Variants in CYP39A1 observed in about 807,000 individuals in gnomAD.
CYP39A1 encodes 24-hydroxycholesterol 7-alpha-hydroxylase.
Under a neutral mutation model 58.1 loss-of-function variants are expected in CYP39A1, and 49 were observed. That is an observed-to-expected ratio of 0.84 (90% CI 0.67 to 1.07). The LOEUF (loss-of-function observed/expected upper bound fraction) is 1.07. Ranked by LOEUF, CYP39A1 falls within the 50% of genes least tolerant of loss-of-function variation. CYP39A1 has a pLI of 0.00. For synonymous variants in CYP39A1, 209 were observed against 187.6 expected (o/e 1.11, Z -0.93); for missense variants, 531 against 539.4 (o/e 0.98, Z 0.16).
At position 46,615,734 on chromosome 6, in the gene CYP39A1, T is replaced by TA. The variant is rs201723641; in HGVS notation, c.931+9683dup. 2.4e-3 allele frequency among the ~76,000 whole-genome samples: 331 copies of TA among 139,502 alleles called. 2 individuals carry two copies. Among genetic ancestry groups the TA allele is most frequent in the African/African-American group, 7.1e-3 (273 of 38,522 alleles). 91.5% of individuals were successfully genotyped at this position (139,502 alleles called of 152,430 possible). On this transcript the variant is annotated intron_variant, in intron 7 of 11. Coordinates refer to ENST00000275016, the MANE Select transcript of CYP39A1 (RefSeq NM_016593.5). ...AATGTGCTCACATTCTCCTCTGGAATAAAAAAAAAAAAGGACAAACATCTT... is the reference window on the plus strand; with the variant it reads ...AATGTGCTCACATTCTCCTCTGGAATAAAAAAAAAAAAAGGACAAACATCTT...
intron 7 of CYP39A1, among the ~76,000 whole-genome samples, chr6:46,614,011 TAGAA>T (rs1774381626): frequency 6.7e-6 from 1 of 149,726 alleles, no homozygotes; most frequent in Non-Finnish European, 1.5e-5. Context: ...TTAATTAAAA[TAGAA>T]AGGTAAACCA....
intron 7 of CYP39A1, among the ~76,000 whole-genome samples, chr6:46,613,860 G>A (rs955027274): frequency 2.7e-5 from 4 of 149,114 alleles, no homozygotes; most frequent in Non-Finnish European, 4.4e-5. Flanking sequence ...ATAAGTGTGA[G>A]TACTTACGCT....
At chr6:46,630,474 G>A (rs1775590797) in intron 6 of CYP39A1, among the ~76,000 whole-genome samples, 1 of 151,968 alleles carries the variant, frequency 6.6e-6, no homozygotes, top group African/African-American at 2.4e-5. Context: ...TCTCTTATTA[G>A]GAAATGGAGG....
At chr6:46,625,564 C>A in intron 6 of CYP39A1, 56 bp from the exon 7 acceptor site, 2 of 1,321,252 alleles carry the variant, frequency 1.5e-6, no homozygotes, top group Non-Finnish European at 2.2e-6. Context: ...TGAACAAAAG[C>A]ATATTTAGTA....
At chr6:46,590,582 A>G (rs1226685849) in intron 8 of CYP39A1, among the ~76,000 whole-genome samples, 1 of 152,178 alleles carries the variant, frequency 6.6e-6, no homozygotes, top group Non-Finnish European at 1.5e-5. Context: ...TAAATTAAAG[A>G]GTATATTCTT....
intron 7 of CYP39A1, among the ~76,000 whole-genome samples, chr6:46,612,085 C>T (rs947058212): frequency 6.6e-6 from 1 of 152,132 alleles, no homozygotes; most frequent in Non-Finnish European, 1.5e-5. Context: ...TATCTCCAAG[C>T]TTATAAATAT....
At chr6:46,638,885 T>C (rs899950947) in intron 3 of CYP39A1, among the ~76,000 whole-genome samples, 2 of 152,216 alleles carry the variant, frequency 1.3e-5, no homozygotes, top group East Asian at 1.9e-4. Flanking sequence ...ATGTCTCCCA[T>C]GCCCAGACTT....
At chr6:46,644,352 G>A (rs1037607198) in intron 1 of CYP39A1, among the ~76,000 whole-genome samples, 1 of 151,982 alleles carries the variant, frequency 6.6e-6, no homozygotes, top group Admixed American at 6.6e-5. Context: ...ATGAATGTAC[G>A]ACAGTTTATT....
intron 7 of CYP39A1, among the ~76,000 whole-genome samples, chr6:46,603,687 CTTT>C (rs1173799496): frequency 6.6e-6 from 1 of 152,210 alleles, no homozygotes; most frequent in Non-Finnish European, 1.5e-5. Context: ...GTCTCAGACA[CTTT>C]TTGGTTTACT....
At chr6:46,623,066 T>C (rs897312060) in intron 7 of CYP39A1, among the ~76,000 whole-genome samples, 3 of 152,120 alleles carry the variant, frequency 2.0e-5, no homozygotes, top group African/African-American at 7.2e-5. Context: ...TAAAAGACTT[T>C]CCCAAGAAGG....
intron 7 of CYP39A1, among the ~76,000 whole-genome samples, chr6:46,601,437 C>T (rs2150532305): frequency 6.6e-6 from 1 of 152,232 alleles, no homozygotes; most frequent in South Asian, 2.1e-4. Flanking sequence ...CCAACATTCT[C>T]ACTTTGGCAA....
chr6:46,617,595 T>C (rs1237536019), intron 7 of CYP39A1, among the ~76,000 whole-genome samples: 1 of 152,154 alleles, frequency 6.6e-6, no homozygotes, highest in Non-Finnish European at 1.5e-5. Flanking sequence ...TCAGGGATTC[T>C]AAGTACAATT....
chr6:46,630,851 C>A, intron 6 of CYP39A1, 112 bp downstream of exon 6: 104 of 843,086 alleles, frequency 1.2e-4, no homozygotes, highest in Middle Eastern at 2.4e-4. Flanking sequence ...TAGTTTTTTT[C>A]TTTTCCATAA....
intron 5 of CYP39A1, among the ~76,000 whole-genome samples, 176 bp from the exon 6 acceptor site, chr6:46,631,246 G>C (rs1373547489): frequency 1.3e-5 from 2 of 151,622 alleles, no homozygotes; most frequent in Non-Finnish European, 2.9e-5. Flanking sequence ...TAGTAATTAG[G>C]AGTAGGGATT....
At chr6:46,640,584 T>C (rs1776269182) in intron 2 of CYP39A1, among the ~76,000 whole-genome samples, 1 of 152,238 alleles carries the variant, frequency 6.6e-6, no homozygotes, top group South Asian at 2.1e-4. Flanking sequence ...CTTGTTTTAT[T>C]GACCTTGAAG....
intron 7 of CYP39A1, among the ~76,000 whole-genome samples, chr6:46,623,869 TA>T (rs1170974637): frequency 4.0e-5 from 6 of 151,308 alleles, no homozygotes; most frequent in Non-Finnish European, 5.9e-5. Flanking sequence ...TAAGTATGGT[TA>T]AAAAAAAAGT....
chr6:46,628,461 A>T (rs1187298429), intron 6 of CYP39A1, among the ~76,000 whole-genome samples: 2 of 152,204 alleles, frequency 1.3e-5, no homozygotes, highest in Non-Finnish European at 2.9e-5. Context: ...GTTTGGAGAA[A>T]TCTTCTAAAA....
In CYP39A1 at chr6:46,642,246, G is replaced by A. The variant is rs1202795960; in HGVS notation, c.230C>T (p.Thr77Ile). Residue 77 changes from threonine (T) to isoleucine (I), a missense_variant, in exon 2 of 12, where the codon ACT (threonine) becomes ATT (isoleucine). Physicochemically the swap from Thr to Ile is moderately conservative, Grantham distance 89. Transcript: ENST00000275016. ...FAMGNRMTFVTEEEGINVFLK... is the reference protein window; with the variant it reads ...FAMGNRMTFVIEEEGINVFLK... Reference sequence around the variant, plus strand: ...AAACACATTAATTCCTTCTTCTTCAGTAACAAAGGTCATTCGGTTTCCCAT... The same window carrying A: ...AAACACATTAATTCCTTCTTCTTCAATAACAAAGGTCATTCGGTTTCCCAT... 2 of 1,612,618 alleles carry A rather than the reference G, an allele frequency of 1.2e-6. No individual in the cohort carries two copies. The highest frequency in any genetic ancestry group is 1.7e-6 in the Non-Finnish European group (2 of 1,179,284).
intron 10 of CYP39A1, among the ~76,000 whole-genome samples, chr6:46,554,237 C>T (rs532100432): frequency 1.3e-5 from 2 of 152,264 alleles, no homozygotes; most frequent in African/African-American, 4.8e-5. Context: ...TTCAGTTCCT[C>T]GGTTGCACTG....
Sources: gnomAD v4.1 joint callset for allele counts (sites outside exome capture counted in the v4.1 genomes callset) on GRCh38, gnomAD v4.1.1 for gene constraint, MANE v1.5 for transcripts, NCBI Gene and HGNC (gene_info 2026-07-23, HGNC 2026-07-21) for gene names.